The following PLCG2 variants were observed in gnomAD, a reference collection of about 807,000 sequenced individuals.
The protein encoded by PLCG2 is 1-phosphatidylinositol 4,5-bisphosphate phosphodiesterase gamma-2.
PLCG2 carries 69 observed loss-of-function variants against 175.6 expected under a neutral mutation model. The observed-to-expected ratio is 0.39, with a 90% CI of 0.32 to 0.48. PLCG2 has a LOEUF of 0.48. Ranked by LOEUF, PLCG2 falls within the 20% of genes least tolerant of loss-of-function variation. PLCG2 has a pLI of 0.91. For missense variants in PLCG2, 1,798 were observed against 1,650.9 expected (o/e 1.09, Z -1.54); for synonymous variants, 827 against 624.0 (o/e 1.33, Z -4.85).
At chr16:81,840,373 G>T (rs550293565) in intron 2 of PLCG2, among the ~76,000 whole-genome samples, 1 of 152,272 alleles carries the variant, frequency 6.6e-6, no homozygotes, top group South Asian at 2.1e-4. Flanking sequence ...AGATTGGCCT[G>T]GGGGGATAGT....
In PLCG2 at chr16:81,912,672, G is replaced by C. The variant is rs1471925290; in HGVS notation, c.2010G>C (p.Leu670=). ...LMRIPRDGAF[L]IRKREGSDSY... Reference sequence around the variant, plus strand: ...GGATTCCCCGGGACGGGGCCTTCCTGATCCGGAAGCGAGAGGGGAGCGACT... The same window carrying C: ...GGATTCCCCGGGACGGGGCCTTCCTCATCCGGAAGCGAGAGGGGAGCGACT... The change falls in exon 19 of 33, where the codon CTG becomes CTC. Residue 670 remains leucine (L), a synonymous_variant. Transcript: ENST00000564138. 6.2e-7 allele frequency: 1 copy of C among 1,612,658 alleles called. No individual in the cohort carries two copies. Among genetic ancestry groups the C allele is most frequent in the Non-Finnish European group, 8.5e-7 (1 of 1,179,514 alleles).
intron 1 of PLCG2, among the ~76,000 whole-genome samples, chr16:81,743,091 A>G: frequency 6.6e-6 from 1 of 152,222 alleles, no homozygotes; most frequent in South Asian, 2.1e-4. Flanking sequence ...ACTTTAGCCC[A>G]GGAGTTTGAG....
chr16:81,877,274 G>GA (rs1668108405), intron 7 of PLCG2, among the ~76,000 whole-genome samples: 1 of 152,272 alleles, frequency 6.6e-6, no homozygotes, highest in Non-Finnish European at 1.5e-5. Context: ...CTGACACGGT[G>GA]AAACCCTGTC....
intron 16 of PLCG2, among the ~76,000 whole-genome samples, 160 bp downstream of exon 16, chr16:81,907,934 C>T (rs1909450091): frequency 8.2e-6 from 1 of 121,274 alleles, no homozygotes; most frequent in Non-Finnish European, 1.8e-5. Flanking sequence ...TCCTGGCTGG[C>T]TTGTCTCTGA....
chr16:81,817,311 G>A (rs4456499), intron 2 of PLCG2, among the ~76,000 whole-genome samples: 22,756 of 152,264 alleles, frequency 0.15, 1,866 homozygotes, highest in African/African-American at 0.18. Context: ...TACCTGTGCC[G>A]TGAGGCAGTT....
intron 25 of PLCG2, 59 bp downstream of exon 25, chr16:81,931,713 A>G: frequency 2.6e-6 from 4 of 1,518,130 alleles, no homozygotes; most frequent in South Asian, 2.3e-5. Flanking sequence ...TTTGGTGCTC[A>G]GTTGGGACTG....
chr16:81,830,592 G>GC (rs2143382092), intron 2 of PLCG2, among the ~76,000 whole-genome samples: 1 of 152,108 alleles, frequency 6.6e-6, no homozygotes, highest in Non-Finnish European at 1.5e-5. Flanking sequence ...ACAGGCATAA[G>GC]CCCCCATGCC....
At chr16:81,869,734 T>A (rs937550418) in intron 6 of PLCG2, among the ~76,000 whole-genome samples, 1 of 152,210 alleles carries the variant, frequency 6.6e-6, no homozygotes, top group African/African-American at 2.4e-5. Flanking sequence ...GGCTCTTTTT[T>A]CTTCTGTTTC....
rs200343785 is a variant in PLCG2 at position 81,940,106 on chromosome 16, C to A, written c.3481+47C>A. 2.0e-6 allele frequency: 3 copies of A among 1,511,190 alleles called. No individual in the cohort carries two copies. In the Admixed American group the frequency reaches 5.3e-5, roughly 26 times the overall value. 93.6% of individuals were successfully genotyped at this position (1,511,190 alleles called of 1,614,324 possible). A position where few individuals can be genotyped will look rare whatever the true frequency, so the allele number is the denominator to read the frequency against. On this transcript the variant is annotated intron_variant, in intron 30 of 32. Transcript: ENST00000564138. ...ATGTTCGATTTGGGCTGGCGTTGTA[C>A]TTTGGTTTGGCTGCTGGCTTCAAAA...
In PLCG2 at chr16:81,910,535, C is replaced by T; in HGVS notation, c.1749C>T (p.Val583=). 2.5e-6 allele frequency: 4 copies of T among 1,614,002 alleles called. No individual in the cohort carries two copies. The highest frequency in any genetic ancestry group is 3.4e-6 in the Non-Finnish European group (4 of 1,179,978). Residue 583 remains valine (V), a synonymous_variant, in exon 18 of 33, where the codon GTC becomes GTT. Transcript: ENST00000564138. ...YTLSFWRSGR[V]QHCRIRSTME... ...CTCCCCGCAGGCGGTCAGGCCGGGT[C>T]CAGCACTGCCGGATCCGCTCCACCA... is the stretch of plus-strand genomic sequence containing the variant.
intron 2 of PLCG2, among the ~76,000 whole-genome samples, chr16:81,764,492 T>C (rs1910103275): frequency 6.6e-6 from 1 of 152,162 alleles, no homozygotes; most frequent in Non-Finnish European, 1.5e-5. Flanking sequence ...TCTGAATAGA[T>C]TCACTCTCCT....
chr16:81,958,283 T>G lies in PLCG2; in HGVS notation c.*285T>G, dbSNP rs1156919926. 1 of 436,558 alleles carries G rather than the reference T, an allele frequency of 2.3e-6. No homozygotes were observed. Among genetic ancestry groups the G allele is most frequent in the Non-Finnish European group, 4.1e-6 (1 of 242,034 alleles). 27.0% of individuals were successfully genotyped at this position (436,558 alleles called of 1,614,324 possible). On this transcript the variant is annotated 3_prime_UTR_variant, in exon 33 of 33. Coordinates refer to ENST00000564138, the MANE Select transcript of PLCG2 (RefSeq NM_002661.5). ...TCCAAACCTCATTGAATAAAAGCAA[T>G]GAAAACCTTGATCAATTAAGCCTTC...
In PLCG2 at chr16:81,859,255, G is replaced by C. The variant is rs767870412; in HGVS notation, c.479+92G>C. ...CAAGGGGGTGGGAGCATGACTTGTC[G>C]GGAGCAAGGTCCTCACTGCGTCCAT... On this transcript the variant is annotated intron_variant, in intron 5 of 32. Transcript: ENST00000564138. 1.1e-5 allele frequency: 9 copies of C among 816,568 alleles called. No homozygotes were observed. The East Asian group carries it at 2.2e-4, about 20-fold the overall frequency. 50.6% of individuals were successfully genotyped at this position (816,568 alleles called of 1,614,324 possible).
chr16:81,780,063 T>G (rs988950407), intron 1 of PLCG2, among the ~76,000 whole-genome samples: 1 of 152,062 alleles, frequency 6.6e-6, no homozygotes, highest in East Asian at 1.9e-4. Context: ...GTGCCCCGTT[T>G]GGACGGGGAG....
At chr16:81,757,578 A>T (rs1161469981) in intron 2 of PLCG2, among the ~76,000 whole-genome samples, 1 of 152,146 alleles carries the variant, frequency 6.6e-6, no homozygotes, top group Non-Finnish European at 1.5e-5. Context: ...AAGAAAAAAG[A>T]CAAGAAAAAA....
At chr16:81,761,548 C>G (rs1044137551) in intron 2 of PLCG2, among the ~76,000 whole-genome samples, 7 of 152,168 alleles carry the variant, frequency 4.6e-5, no homozygotes. Context: ...CTCGGCTAGC[C>G]TTTCAAACTT....
intron 3 of PLCG2, chr16:81,858,013 T>C (rs1186154686): frequency 1.9e-5 from 9 of 471,840 alleles, no homozygotes; most frequent in African/African-American, 1.5e-4. Context: ...CTGATTCCAT[T>C]TGGCACAGGA....
intron 2 of PLCG2, among the ~76,000 whole-genome samples, chr16:81,818,051 G>C (rs1173606615): frequency 6.6e-6 from 1 of 152,166 alleles, no homozygotes; most frequent in Non-Finnish European, 1.5e-5. Context: ...GCCTGGGCTC[G>C]GTCACTTCCT....
chr16:81,957,262 G>T (rs1218962046), intron 32 of PLCG2, among the ~76,000 whole-genome samples: 3 of 152,110 alleles, frequency 2.0e-5, no homozygotes, highest in African/African-American at 4.8e-5. Context: ...TCACACCATT[G>T]CACTCCAGCC....
Sources: gnomAD v4.1 joint callset for allele counts (sites outside exome capture counted in the v4.1 genomes callset) on GRCh38, gnomAD v4.1.1 for gene constraint, MANE v1.5 for transcripts, NCBI Gene and HGNC (gene_info 2026-07-23, HGNC 2026-07-21) for gene names.